TJP2: variants seen among roughly 807,000 people sequenced by gnomAD.
The protein encoded by TJP2 is Friedreich ataxia region gene X104 (tight junction protein ZO-2).
Under a neutral mutation model 133.1 loss-of-function variants are expected in TJP2, and 91 were observed. The ratio of observed to expected loss-of-function variants is 0.68; its 90% CI spans 0.58 to 0.81. TJP2 has a LOEUF of 0.81. TJP2 is among the 40% of genes least tolerant of loss of function. The probability of loss-of-function intolerance (pLI) is 0.00; values close to 1 mark genes in which losing one functional copy is unlikely to be tolerated. For missense variants in TJP2, 1,541 were observed against 1,565.6 expected, an observed-to-expected ratio of 0.98 and a Z score of 0.26; for synonymous variants, 592 against 583.4, an observed-to-expected ratio of 1.01 and a Z score of -0.21.
chr9:69,197,650 G>C (rs1381203362), intron 1 of TJP2, among the ~76,000 whole-genome samples: 1 of 151,354 alleles, frequency 6.6e-6, no homozygotes, highest in Admixed American at 6.6e-5. Flanking sequence ...ATCCTGTGAT[G>C]GGTACTGAGC....
intron 1 of TJP2, among the ~76,000 whole-genome samples, chr9:69,193,527 C>A (rs952884006): frequency 6.0e-5 from 8 of 133,596 alleles, no homozygotes; most frequent in South Asian, 5.0e-4. Flanking sequence ...AAAAAAAAAA[C>A]GTCAGCCCAT....
chr9:69,242,046 C>G (rs73452912), intron 17 of TJP2, among the ~76,000 whole-genome samples: 4 of 152,160 alleles, frequency 2.6e-5, no homozygotes, highest in African/African-American at 4.8e-5. Flanking sequence ...ATTTGGGATT[C>G]ACGTGAGGAT....
chr9:69,158,329 A>G (rs908646453), intron 2 of TJP2, among the ~76,000 whole-genome samples: 1 of 99,664 alleles, frequency 1.0e-5, no homozygotes, highest in Non-Finnish European at 2.3e-5. Flanking sequence ...CTTTGCCTCA[A>G]AAAAAAAAAA....
chr9:69,203,531 T>C (rs1424162729), intron 1 of TJP2, among the ~76,000 whole-genome samples: 1 of 150,478 alleles, frequency 6.6e-6, no homozygotes, highest in Non-Finnish European at 1.5e-5. Flanking sequence ...CTTGAACTCC[T>C]GGCCTCAGGT....
chr9:69,194,212 C>G (rs933079747), intron 1 of TJP2, among the ~76,000 whole-genome samples: 3 of 150,470 alleles, frequency 2.0e-5, no homozygotes, highest in African/African-American at 7.4e-5. Flanking sequence ...TTTAGAGACA[C>G]CAAAAGGATT....
chr9:69,227,744 T>G, intron 7 of TJP2, 21 bp from the exon 8 acceptor site: 1 of 1,496,142 alleles, frequency 6.7e-7, no homozygotes, highest in East Asian at 2.3e-5. Flanking sequence ...TTTAAAAGTC[T>G]TTTCTTATTT....
In TJP2 at chr9:69,230,158, A is replaced by T. The variant is rs770295068; in HGVS notation, c.1597A>T (p.Ile533Leu). 179 of 1,614,022 alleles carry T rather than the reference A, an allele frequency of 1.1e-4. No individual in the cohort carries two copies. Among genetic ancestry groups the T allele is most frequent in the Non-Finnish European group, 1.4e-4 (167 of 1,180,030 alleles). Reference sequence around the variant, plus strand: ...GTTGGCTGGTGGCAATGATGTCGGGATATTTGTTGCTGGCATTCAAGAAGG... The same window carrying T: ...GTTGGCTGGTGGCAATGATGTCGGGTTATTTGTTGCTGGCATTCAAGAAGG... Reference protein sequence around the residue: ...LRLAGGNDVGIFVAGIQEGTS... With the variant: ...LRLAGGNDVGLFVAGIQEGTS... The change falls in exon 11 of 23, where the codon ATA (isoleucine) becomes TTA (leucine). Residue 533 changes from isoleucine (I) to leucine (L), a missense_variant. Coordinates refer to ENST00000377245, the MANE Select transcript of TJP2 (RefSeq NM_004817.4).
intron 1 of TJP2, among the ~76,000 whole-genome samples, chr9:69,136,895 G>T (rs1822756231): frequency 6.6e-6 from 1 of 152,164 alleles, no homozygotes; most frequent in African/African-American, 2.4e-5. Context: ...AGCAGGAGGA[G>T]AGGGAAGAGG....
Position 69,137,244 on chromosome 9 carries a change from TCTC to T in TJP2, c.-130-14406_-130-14404del, listed in dbSNP as rs1564372292. On this transcript the variant is annotated intron_variant, in intron 1 of 5. Coordinates refer to the TJP2 transcript ENST00000423935. ...TTCTTTCCTTCTTTCTTTCTTTCTC[TCTC>T]TCTTTCTTTCTTTCTTTCTTTCTTT... Among the ~76,000 whole-genome samples the T allele has an allele frequency of 4.1e-3, 218 of 52,978 alleles. 1 individual carries two copies. The highest frequency in any genetic ancestry group is 0.013 in the African/African-American group (205 of 15,660). The allele number at this position is 52,978 out of a possible 152,430, so 34.8% of individuals were successfully genotyped here. A position where few individuals can be genotyped will look rare whatever the true frequency, so the allele number is the denominator to read the frequency against.
In TJP2 at chr9:69,184,424, GA is replaced by G. The variant is rs199671571; in HGVS notation, c.60+9993del. On this transcript the variant is annotated intron_variant, in intron 1 of 22. Coordinates refer to ENST00000377245, the MANE Select transcript of TJP2 (RefSeq NM_004817.4). The stretch of plus-strand genomic sequence containing the variant: ...GGCTGGTGAAAGGGCAGGGAATCTG[GA>G]CATGCTGTAAAGCTCATGTCTGAGG... 9.7e-3 allele frequency among the ~76,000 whole-genome samples: 1,482 copies of G among 152,294 alleles called. 18 individuals carry two copies. The highest frequency in any genetic ancestry group is 0.029 in the African/African-American group (1,209 of 41,556).
intron 1 of TJP2, chr9:69,205,206 T>A: frequency 6.5e-7 from 1 of 1,537,266 alleles, no homozygotes; most frequent in Non-Finnish European, 8.7e-7. Flanking sequence ...TCCAGGCTGT[T>A]AAAAAGTTGA....
At position 69,161,770 on chromosome 9, in the gene TJP2, G is replaced by A. The variant is rs182243230; in HGVS notation, c.-10+9999G>A. Among the ~76,000 whole-genome samples the A allele has an allele frequency of 9.7e-3, 1,454 of 149,778 alleles. 30 individuals carry two copies. The highest frequency in any genetic ancestry group is 0.032 in the African/African-American group (1,329 of 41,130). On this transcript the variant is annotated intron_variant, in intron 2 of 5. Coordinates refer to the TJP2 transcript ENST00000423935. The stretch of plus-strand genomic sequence containing the variant: ...TTATATAAACAATATATAATTGACC[G>A]GGTGTGGTGGCTCACGCCTGTAATC...
intron 17 of TJP2, among the ~76,000 whole-genome samples, chr9:69,244,709 T>C (rs1312602324): frequency 6.6e-6 from 1 of 152,230 alleles, no homozygotes; most frequent in Non-Finnish European, 1.5e-5. Context: ...GCTTCATGTC[T>C]GTGCACCTGC....
intron 1 of TJP2, among the ~76,000 whole-genome samples, chr9:69,184,225 C>T (rs1186313815): frequency 6.6e-6 from 1 of 152,178 alleles, no homozygotes. Context: ...GAAGGGGATT[C>T]AATACAGAGT....
chr9:69,137,203 CATGAGCTTCT>C (rs776469343), intron 1 of TJP2, among the ~76,000 whole-genome samples: 148 of 47,056 alleles, frequency 3.1e-3, no homozygotes, highest in Non-Finnish European at 5.1e-3. Context: ...AACCAATGAT[CATGAGCTTCT>C]TTGTTTTCTT....
intron 20 of TJP2, 162 bp downstream of exon 20, chr9:69,249,647 C>A (rs924753135): frequency 1.7e-4 from 171 of 985,164 alleles, no homozygotes; most frequent in Non-Finnish European, 2.0e-4. Flanking sequence ...GTTGGGTGAA[C>A]TCCCAAATTA....
intron 1 of TJP2, 136 bp from the exon 2 acceptor site, chr9:69,212,412 T>G: frequency 2.8e-6 from 2 of 703,602 alleles, no homozygotes; most frequent in Non-Finnish European, 5.2e-6. Context: ...GGTAGCATAA[T>G]GAACAGATAT....
At chr9:69,177,188 T>C (rs531386830) in intron 1 of TJP2, among the ~76,000 whole-genome samples, 1 of 152,278 alleles carries the variant, frequency 6.6e-6, no homozygotes, top group East Asian at 1.9e-4. Flanking sequence ...GGCCCAACAG[T>C]TGTTGGACCA....
intron 16 of TJP2, 111 bp from the exon 17 acceptor site, chr9:69,239,826 A>G: frequency 1.2e-6 from 1 of 845,918 alleles, no homozygotes; most frequent in East Asian, 2.9e-5. Context: ...ATAAGTAAAC[A>G]AACAAACAAA....
Sources: allele counts gnomAD v4.1 joint callset (sites outside exome capture counted in the v4.1 genomes callset), GRCh38; gene constraint gnomAD v4.1.1; transcripts MANE v1.5; gene names NCBI Gene and HGNC (gene_info 2026-07-23, HGNC 2026-07-21).